The following DNER variants were observed in gnomAD, a reference collection of about 807,000 sequenced individuals.
DNER encodes delta and Notch-like epidermal growth factor-related receptor.
In DNER, 33 loss-of-function variants were observed where a neutral mutation model predicts 78.2. The observed-to-expected ratio is 0.42, with a 90% CI of 0.32 to 0.56. DNER has a LOEUF of 0.56. DNER is among the 20% of genes least tolerant of loss of function. The pLI is 0.11. For synonymous variants in DNER, 417 were observed against 384.8 expected, an observed-to-expected ratio of 1.08 and a Z score of -0.98; for missense variants, 918 against 975.3, an observed-to-expected ratio of 0.94 and a Z score of 0.78.
chr2:229,442,509 T>C (rs1265068552), intron 8 of DNER, among the ~76,000 whole-genome samples: 1 of 96,600 alleles, frequency 1.0e-5, no homozygotes, highest in Non-Finnish European at 1.8e-5. Flanking sequence ...AGCAACGCTC[T>C]GTCTTAAAAA....
At chr2:229,652,608 T>C (rs569477709) in intron 1 of DNER, among the ~76,000 whole-genome samples, 22 of 152,318 alleles carry the variant, frequency 1.4e-4, no homozygotes, top group African/African-American at 4.3e-4. Flanking sequence ...GCAACCTGAC[T>C]GCTCTCCCCC....
At position 229,646,019 on chromosome 2, in the gene DNER, A is replaced by G. The variant is rs181391325; in HGVS notation, c.277-54131T>C. ...CTTCAGCCACTTTGCCGGGAGACCA[A>G]GGGGTGGATGAATTCCCTGACAATG... On this transcript the variant is annotated intron_variant, in intron 1 of 12. Transcript: ENST00000341772. Among the ~76,000 whole-genome samples, 133 of 152,340 alleles carry G rather than the reference A, an allele frequency of 8.7e-4. 1 individual carries two copies. The highest frequency in any genetic ancestry group is 3.4e-3 in the Middle Eastern group (1 of 294).
chr2:229,447,352 T>C lies in DNER; in HGVS notation c.1450A>G (p.Ser484Gly). ...AGGCATTTGTAGCTGGTGCCCACGC[T>C]GCGGCACGTGCCATGAGCACAGGGG... is the stretch of plus-strand genomic sequence containing the variant. ...LSPCAHGTCR[S>G]VGTSYKCLCD... The change falls in exon 8 of 13, where the codon AGC (serine) becomes GGC (glycine). Residue 484 changes from serine (S) to glycine (G), a missense_variant. Coordinates refer to ENST00000341772, the MANE Select transcript of DNER (RefSeq NM_139072.4). The C allele has an allele frequency of 6.2e-7, 1 of 1,610,046 alleles. No individual in the cohort carries two copies. Among genetic ancestry groups the C allele is most frequent in the South Asian group, 1.1e-5 (1 of 90,152 alleles).
In DNER at chr2:229,451,741, C is replaced by A. The variant is rs1041909270; in HGVS notation, c.1262-4201G>T. Among the ~76,000 whole-genome samples, 3 of 152,258 alleles carry A rather than the reference C, an allele frequency of 2.0e-5. No individual in the cohort carries two copies. In the East Asian group the frequency reaches 5.8e-4, roughly 29 times the overall value. On this transcript the variant is annotated intron_variant, in intron 7 of 12. Transcript: ENST00000341772. ...ACTGCACAGAAGAGAAGTGAATGAC[C>A]AACCAATTAAGATGTTATGATGTGT...
At chr2:229,490,019 G>A (rs915534965) in intron 6 of DNER, among the ~76,000 whole-genome samples, 9 of 151,990 alleles carry the variant, frequency 5.9e-5, no homozygotes, top group African/African-American at 2.2e-4. Flanking sequence ...GAGGACAAGA[G>A]GGAAGAGGAG....
At chr2:229,623,988 G>A (rs1166044697) in intron 1 of DNER, among the ~76,000 whole-genome samples, 1 of 152,204 alleles carries the variant, frequency 6.6e-6, no homozygotes, top group Non-Finnish European at 1.5e-5. Flanking sequence ...GGGGCTTCAC[G>A]GAATCACAGA....
intron 5 of DNER, 103 bp downstream of exon 5, chr2:229,546,844 G>A (rs928646395): frequency 1.4e-6 from 2 of 1,479,786 alleles, no homozygotes; most frequent in Non-Finnish European, 9.2e-7. Flanking sequence ...TAGATAGATA[G>A]AGCAAGGATG....
intron 1 of DNER, among the ~76,000 whole-genome samples, chr2:229,628,496 T>A (rs10169481): frequency 0.21 from 31,775 of 152,116 alleles, 3,991 homozygotes; most frequent in African/African-American, 0.33. Flanking sequence ...GAGAGGCCAT[T>A]TTCAACTGAT....
intron 1 of DNER, among the ~76,000 whole-genome samples, chr2:229,656,403 T>A (rs899539149): frequency 1.3e-5 from 2 of 152,154 alleles, no homozygotes; most frequent in East Asian, 1.9e-4. Flanking sequence ...CATACTGTTG[T>A]TGGGAATGAA....
intron 11 of DNER, among the ~76,000 whole-genome samples, chr2:229,376,729 T>C (rs565335968): frequency 6.6e-6 from 1 of 152,268 alleles, no homozygotes; most frequent in East Asian, 1.9e-4. Context: ...CAGGAGAAAA[T>C]AGGAACTTAT....
Position 229,607,897 on chromosome 2 carries a change from A to G in DNER, c.277-16009T>C, listed in dbSNP as rs1247215845. On this transcript the variant is annotated intron_variant, in intron 1 of 12. Coordinates refer to ENST00000341772, the MANE Select transcript of DNER (RefSeq NM_139072.4). The stretch of plus-strand genomic sequence containing the variant: ...ATTAACCGGGCATGGTGGTACATGT[A>G]TGTAATCCCAGCTACTTGGGAGGCT... Among the ~76,000 whole-genome samples, 3 of 151,514 alleles carry G rather than the reference A, an allele frequency of 2.0e-5. No individual in the cohort carries two copies. The South Asian group carries it at 6.3e-4, about 32-fold the overall frequency.
At chr2:229,555,638 A>C (rs1696841848) in intron 4 of DNER, among the ~76,000 whole-genome samples, 1 of 152,152 alleles carries the variant, frequency 6.6e-6, no homozygotes, top group South Asian at 2.1e-4. Context: ...AGTCTTAGAG[A>C]AGTGGTGAGT....
In DNER at chr2:229,413,610, C is replaced by T. The variant is rs1387944326; in HGVS notation, c.1609+4498G>A. On this transcript the variant is annotated intron_variant, in intron 9 of 12. Coordinates refer to ENST00000341772, the MANE Select transcript of DNER (RefSeq NM_139072.4). ...TGCTAGGATTACAGGTGTGAGCCACCGCCCCCGGCCTTTTTTCCTTTTTCA... is the reference window on the plus strand; with the variant it reads ...TGCTAGGATTACAGGTGTGAGCCACTGCCCCCGGCCTTTTTTCCTTTTTCA... Among the ~76,000 whole-genome samples, 5 of 151,304 alleles carry T rather than the reference C, an allele frequency of 3.3e-5. No homozygotes were observed. The South Asian group carries it at 6.2e-4, about 19-fold the overall frequency.
chr2:229,563,375 A>ATCC (rs202142586), intron 4 of DNER, among the ~76,000 whole-genome samples: 3 of 135,444 alleles, frequency 2.2e-5, no homozygotes, highest in African/African-American at 5.7e-5. Flanking sequence ...CATCATCATC[A>ATCC]TCCTCACCCC....
intron 10 of DNER, among the ~76,000 whole-genome samples, chr2:229,392,719 G>C (rs563694306): frequency 6.6e-6 from 1 of 152,078 alleles, no homozygotes; most frequent in African/African-American, 2.4e-5. Flanking sequence ...TTAGTAATGG[G>C]GCACAACTAT....
chr2:229,509,960 G>A lies in DNER; in HGVS notation c.1147+2823C>T, dbSNP rs557166152. On this transcript the variant is annotated intron_variant, in intron 6 of 12. Coordinates refer to ENST00000341772, the MANE Select transcript of DNER (RefSeq NM_139072.4). ...AGAAAAATGGAGAGAGACTTATCTTGAAGCCTGCAGCCAAGACTTCCTGAG... is the reference window on the plus strand; with the variant it reads ...AGAAAAATGGAGAGAGACTTATCTTAAAGCCTGCAGCCAAGACTTCCTGAG... Among the ~76,000 whole-genome samples, 13 of 152,308 alleles carry A rather than the reference G, an allele frequency of 8.5e-5. 1 individual carries two copies. The South Asian group carries it at 2.5e-3, about 29-fold the overall frequency.
intron 10 of DNER, among the ~76,000 whole-genome samples, chr2:229,394,541 G>A (rs1379923345): frequency 2.0e-5 from 3 of 152,208 alleles, no homozygotes; most frequent in Non-Finnish European, 4.4e-5. Context: ...GCGTCTGTGT[G>A]GGTAATCCCA....
intron 6 of DNER, among the ~76,000 whole-genome samples, chr2:229,501,909 G>T (rs768361185): frequency 6.6e-6 from 1 of 152,214 alleles, no homozygotes; most frequent in Non-Finnish European, 1.5e-5. Flanking sequence ...ACAAGGAGCG[G>T]CCTGGCTTAC....
intron 6 of DNER, among the ~76,000 whole-genome samples, chr2:229,489,393 G>A (rs1229188363): frequency 6.6e-6 from 1 of 152,152 alleles, no homozygotes; most frequent in East Asian, 1.9e-4. Context: ...GGGAGATGAT[G>A]GCACCACTGA....
Sources: allele counts gnomAD v4.1 joint callset (sites outside exome capture counted in the v4.1 genomes callset), GRCh38; gene constraint gnomAD v4.1.1; transcripts MANE v1.5; gene names NCBI Gene and HGNC (gene_info 2026-07-23, HGNC 2026-07-21).